Variants in ITGA2 observed in about 807,000 individuals in gnomAD.
ITGA2 encodes the protein integrin subunit alpha 2.
In ITGA2, 101 loss-of-function variants were observed where a neutral mutation model predicts 146.3. The observed-to-expected ratio is 0.69, with a 90% CI of 0.59 to 0.81. The LOEUF (loss-of-function observed/expected upper bound fraction) is 0.81. ITGA2 is among the 40% of genes least tolerant of loss of function. The pLI, the probability that ITGA2 is intolerant of heterozygous loss-of-function variation, is 0.00. For synonymous variants in ITGA2, 477 were observed against 487.1 expected (o/e 0.98, Z 0.27); for missense variants, 1,281 against 1,402.7 (o/e 0.91, Z 1.39).
At chr5:53,006,744 C>T (rs1393047841) in intron 1 of ITGA2, among the ~76,000 whole-genome samples, 1 of 152,184 alleles carries the variant, frequency 6.6e-6, no homozygotes, top group African/African-American at 2.4e-5. Flanking sequence ...CAGGGGCCCT[C>T]CCTGTGCACT....
intron 1 of ITGA2, among the ~76,000 whole-genome samples, chr5:53,015,218 T>C (rs879810289): frequency 3.7e-4 from 56 of 152,146 alleles, no homozygotes; most frequent in Admixed American, 1.0e-3. Context: ...TTCTAACTTT[T>C]TCATGTGTAT....
At chr5:53,016,918 T>C (rs1272454780) in intron 1 of ITGA2, among the ~76,000 whole-genome samples, 1 of 152,206 alleles carries the variant, frequency 6.6e-6, no homozygotes, top group Admixed American at 6.5e-5. Context: ...TTGAAGTGAG[T>C]ATTTCAGCTG....
chr5:53,021,134 T>C (rs1325582697), intron 1 of ITGA2, among the ~76,000 whole-genome samples: 1 of 152,192 alleles, frequency 6.6e-6, no homozygotes, highest in Non-Finnish European at 1.5e-5. Context: ...TTATTTTATT[T>C]TCGTTAAGCA....
chr5:53,022,092 A>G (rs1561097016), intron 1 of ITGA2, among the ~76,000 whole-genome samples: 1 of 152,242 alleles, frequency 6.6e-6, no homozygotes, highest in Non-Finnish European at 1.5e-5. Flanking sequence ...TATCATAGAC[A>G]TCAATAAACT....
At chr5:53,044,447 C>T (rs534815595) in intron 3 of ITGA2, among the ~76,000 whole-genome samples, 29 of 151,906 alleles carry the variant, frequency 1.9e-4, no homozygotes, top group South Asian at 8.3e-4. Flanking sequence ...TTGCAATGTT[C>T]GATAACTCAA....
intron 19 of ITGA2, 48 bp from the exon 20 acceptor site, chr5:53,073,070 T>G: frequency 6.3e-7 from 1 of 1,594,644 alleles, no homozygotes; most frequent in Non-Finnish European, 8.6e-7. Flanking sequence ...TACTGGCCTT[T>G]TTATTTAACA....
rs1445910202 is a variant in ITGA2, at chr5:53,091,999, T to A, written c.*1400T>A. ...TAGGCAAGTTTGTTCAAAAGGTAGATCCTGAGATGATTTGGTCAGATTGGG... is the reference window on the plus strand; with the variant it reads ...TAGGCAAGTTTGTTCAAAAGGTAGAACCTGAGATGATTTGGTCAGATTGGG... On this transcript the variant is annotated 3_prime_UTR_variant, in exon 30 of 30. Coordinates refer to ENST00000296585, the MANE Select transcript of ITGA2 (RefSeq NM_002203.4). 2 of 152,188 alleles carry A rather than the reference T, an allele frequency of 1.3e-5. No homozygotes were observed. The highest frequency in any genetic ancestry group is 4.8e-5 in the African/African-American group (2 of 41,442). The allele number at this position is 152,188 out of a possible 1,614,324, so 9.4% of individuals were successfully genotyped here. A position where few individuals can be genotyped will look rare whatever the true frequency, so the allele number is the denominator to read the frequency against.
At chr5:53,072,729 A>G (rs760611527) in intron 19 of ITGA2, 34 bp downstream of exon 19, 1 of 1,480,804 alleles carries the variant, frequency 6.8e-7, no homozygotes, top group Non-Finnish European at 9.4e-7. Context: ...TGTAAAATGT[A>G]GAAATAAAAG....
chr5:53,088,697 A>G (rs1229183502), intron 28 of ITGA2, among the ~76,000 whole-genome samples: 1 of 151,830 alleles, frequency 6.6e-6, no homozygotes, highest in Non-Finnish European at 1.5e-5. Context: ...AAAAAAAAAA[A>G]AAAAAAAGTA....
intron 1 of ITGA2, among the ~76,000 whole-genome samples, chr5:52,994,629 T>C (rs1310922754): frequency 4.6e-5 from 7 of 152,244 alleles, no homozygotes; most frequent in Non-Finnish European, 1.5e-5. Context: ...AGCTAGTATA[T>C]TGGAGTTAGC....
At chr5:53,016,776 G>T (rs1742419705) in intron 1 of ITGA2, among the ~76,000 whole-genome samples, 1 of 152,058 alleles carries the variant, frequency 6.6e-6, no homozygotes, top group Non-Finnish European at 1.5e-5. Context: ...TGGAGGTTTT[G>T]TTCATTCTTT....
At chr5:53,079,747 T>A (rs1246889432) in intron 24 of ITGA2, among the ~76,000 whole-genome samples, 1 of 152,166 alleles carries the variant, frequency 6.6e-6, no homozygotes, top group Non-Finnish European at 1.5e-5. Context: ...GGGCATCTAT[T>A]CAATTCGCGG....
At chr5:53,055,865 G>A in intron 8 of ITGA2, 119 bp from the exon 9 acceptor site, 1 of 1,260,792 alleles carries the variant, frequency 7.9e-7, no homozygotes, top group Admixed American at 1.8e-5. Flanking sequence ...AAAGGGTTAT[G>A]GAAATGTTGC....
At position 53,037,005 on chromosome 5, in the gene ITGA2, T is replaced by G. The variant is rs1012947501; in HGVS notation, c.186-5107T>G. Among the ~76,000 whole-genome samples the G allele has an allele frequency of 8.5e-5, 13 of 152,328 alleles. 1 individual carries two copies. In the South Asian group the frequency reaches 2.7e-3, roughly 32 times the overall value. The stretch of plus-strand genomic sequence containing the variant: ...ATTTTAAGTACATCTCTGTCAGTAA[T>G]CTCTGGTAAAATCTCTAGTATTGAA... On this transcript the variant is annotated intron_variant, in intron 2 of 29. Transcript: ENST00000296585.
chr5:53,040,135 A>T (rs1266598556), intron 2 of ITGA2, among the ~76,000 whole-genome samples: 2 of 152,194 alleles, frequency 1.3e-5, no homozygotes, highest in Non-Finnish European at 2.9e-5. Flanking sequence ...AAGAAACAGC[A>T]TGTATGAAGG....
At chr5:53,075,968 A>G (rs183631317) in intron 23 of ITGA2, among the ~76,000 whole-genome samples, 3 of 152,158 alleles carry the variant, frequency 2.0e-5, no homozygotes, top group Admixed American at 2.0e-4. Flanking sequence ...AGTGGTGTAA[A>G]TGTCACTGGT....
chr5:53,005,346 G>A (rs1272059588), intron 1 of ITGA2, among the ~76,000 whole-genome samples: 4 of 151,906 alleles, frequency 2.6e-5, no homozygotes, highest in Non-Finnish European at 5.9e-5. Flanking sequence ...GAAAGTGGGG[G>A]CCAGGTGGGC....
chr5:53,018,175 G>T (rs566711052), intron 1 of ITGA2, among the ~76,000 whole-genome samples: 17 of 152,278 alleles, frequency 1.1e-4, no homozygotes, highest in African/African-American at 4.1e-4. Flanking sequence ...GCTCTGTCCG[G>T]GTCCAACAGT....
chr5:52,998,670 A>G (rs1741406158), intron 1 of ITGA2, among the ~76,000 whole-genome samples: 4 of 152,186 alleles, frequency 2.6e-5, no homozygotes, highest in African/African-American at 9.7e-5. Flanking sequence ...GGACCCTTCC[A>G]TAGCAATGTT....
Sources: allele counts gnomAD v4.1 joint callset (sites outside exome capture counted in the v4.1 genomes callset), GRCh38; gene constraint gnomAD v4.1.1; transcripts MANE v1.5; gene names NCBI Gene and HGNC (gene_info 2026-07-23, HGNC 2026-07-21).